Variants in RBFOX3 observed in about 807,000 individuals in gnomAD.
RBFOX3 encodes the protein RNA binding protein fox-1 homolog 3.
In RBFOX3, 17 loss-of-function variants were observed where a neutral mutation model predicts 48.7. That is an observed-to-expected ratio of 0.35 (90% CI 0.24 to 0.52). The LOEUF (loss-of-function observed/expected upper bound fraction) is 0.52. RBFOX3 is among the 20% of genes least tolerant of loss of function. The pLI is 0.94. For missense variants in RBFOX3, 382 were observed against 497.5 expected (o/e 0.77, Z 2.21); for synonymous variants, 212 against 209.5 (o/e 1.01, Z -0.10).
intron 2 of RBFOX3, among the ~76,000 whole-genome samples, chr17:79,365,980 G>A (rs946459835): frequency 6.6e-6 from 1 of 152,244 alleles, no homozygotes; most frequent in African/African-American, 2.4e-5. Flanking sequence ...CGGATGTCCT[G>A]CCACTGCACA....
At chr17:79,228,019 G>T (rs967866177) in intron 4 of RBFOX3, among the ~76,000 whole-genome samples, 1 of 152,210 alleles carries the variant, frequency 6.6e-6, no homozygotes, top group Non-Finnish European at 1.5e-5. Flanking sequence ...AAGGCCTGCA[G>T]GGTCAGAAGG....
At chr17:79,226,271 G>T (rs1174698169) in intron 4 of RBFOX3, among the ~76,000 whole-genome samples, 3 of 152,196 alleles carry the variant, frequency 2.0e-5, no homozygotes, top group African/African-American at 7.2e-5. Flanking sequence ...TCCAAGAGAA[G>T]TGGGAGTCAC....
intron 3 of RBFOX3, among the ~76,000 whole-genome samples, chr17:79,288,477 G>GCC (rs78180470): frequency 3.1e-4 from 47 of 151,306 alleles, no homozygotes; most frequent in African/African-American, 4.9e-4. Context: ...ATTCTCTGCA[G>GCC]CCCCCCCCAG....
the RBFOX3 span, among the ~76,000 whole-genome samples, chr17:79,621,269 A>G: frequency 2.0e-5 from 3 of 152,060 alleles, no homozygotes; most frequent in African/African-American, 7.2e-5. Flanking sequence ...AAAGTGCTGG[A>G]ATTACAGGTG....
At chr17:79,408,502 T>C (rs1272651363) in intron 2 of RBFOX3, among the ~76,000 whole-genome samples, 2 of 152,070 alleles carry the variant, frequency 1.3e-5, no homozygotes, top group African/African-American at 4.8e-5. Context: ...GCCAAGTCAT[T>C]CTGTGGTTTT....
intron 1 of RBFOX3, among the ~76,000 whole-genome samples, chr17:79,548,452 C>T (rs2090760596): frequency 6.6e-6 from 1 of 152,260 alleles, no homozygotes; most frequent in Admixed American, 6.5e-5. Context: ...GGCCTGGCAG[C>T]CCCGTGGCAC....
chr17:79,125,660 C>T (rs1163904905), intron 4 of RBFOX3, among the ~76,000 whole-genome samples: 1 of 152,230 alleles, frequency 6.6e-6, no homozygotes. Context: ...TTCCTGGCTC[C>T]CTCTCCTCTC....
the RBFOX3 span, among the ~76,000 whole-genome samples, chr17:79,656,770 G>GAGAGAGAGAGAGACAGA: frequency 6.1e-5 from 2 of 32,560 alleles, no homozygotes; most frequent in Non-Finnish European, 1.6e-4. Flanking sequence ...AGGAAGGAAG[G>GAGAGAGAGAGAGACAGA]AAGGAAGGAA....
chr17:79,160,517 T>G (rs549923954), intron 4 of RBFOX3, among the ~76,000 whole-genome samples: 48 of 152,174 alleles, frequency 3.2e-4, no homozygotes, highest in Non-Finnish European at 5.0e-4. Context: ...TCCCTCCTGC[T>G]GTATATCCAT....
intron 1 of RBFOX3, among the ~76,000 whole-genome samples, chr17:79,576,589 T>C (rs2092869584): frequency 6.7e-6 from 1 of 148,950 alleles, no homozygotes; most frequent in African/African-American, 2.5e-5. Context: ...GTGGAGATCA[T>C]GAAGAAGATG....
the RBFOX3 span, among the ~76,000 whole-genome samples, chr17:79,628,461 T>C: frequency 1.2e-3 from 187 of 152,092 alleles, 1 homozygote; most frequent in Non-Finnish European, 1.8e-3. Context: ...GGCCGCAGAG[T>C]CCTTGTCTGC....
At chr17:79,317,601 G>C (rs557710525) in intron 2 of RBFOX3, among the ~76,000 whole-genome samples, 27 of 152,340 alleles carry the variant, frequency 1.8e-4, no homozygotes, top group Middle Eastern at 6.8e-3. Flanking sequence ...TTTCTCCCCT[G>C]GACGTGGTCT....
rs75075580 is a variant in RBFOX3 at position 79,257,316 on chromosome 17, T to A, written c.-73-21511A>T. Among the ~76,000 whole-genome samples the A allele has an allele frequency of 1.7e-3, 259 of 152,330 alleles. 2 individuals carry two copies. Among genetic ancestry groups the A allele is most frequent in the African/African-American group, 5.9e-3 (246 of 41,568 alleles). On this transcript the variant is annotated intron_variant, in intron 3 of 14. Coordinates refer to ENST00000693108, the MANE Select transcript of RBFOX3 (RefSeq NM_001350451.2). ...CAGGGATGCATGTTGTTAGGTGAGT[T>A]TTCAGTTCATGCTTTGGCAAGTGAA...
chr17:79,626,798 C>G, the RBFOX3 span, among the ~76,000 whole-genome samples: 1 of 152,184 alleles, frequency 6.6e-6, no homozygotes, highest in South Asian at 2.1e-4. Flanking sequence ...TGGGGAGTCC[C>G]GAGAGAGAAG....
chr17:79,097,663 T>TACCCAACCCCCCCCCCC, intron 10 of RBFOX3, 29 bp downstream of exon 10: 1 of 1,384,076 alleles, frequency 7.2e-7, no homozygotes, highest in Non-Finnish European at 9.8e-7. Context: ...GCTGGTCTCA[T>TACCCAACCCCCCCCCCC]CCCATCCCCG....
chr17:79,461,848 G>A (rs2075409211), intron 2 of RBFOX3, among the ~76,000 whole-genome samples: 1 of 152,150 alleles, frequency 6.6e-6, no homozygotes, highest in East Asian at 1.9e-4. Context: ...AGGCTGGAGG[G>A]ATGCAGACAC....
In RBFOX3 at chr17:79,477,471, G is replaced by A. The variant is rs1160270053; in HGVS notation, c.-175+4983C>T. On this transcript the variant is annotated intron_variant, in intron 2 of 14. Coordinates refer to ENST00000693108, the MANE Select transcript of RBFOX3 (RefSeq NM_001350451.2). This position sits in a 1 kb window ranked among gnomAD's most constrained non-coding sequence, Gnocchi z 4.8. ...CTTGGGAGGCTGAGGCAGGAGAATG[G>A]CGTGAACCCGGGAGGCGGAGTTTGC... 2.2e-4 allele frequency among the ~76,000 whole-genome samples: 34 copies of A among 151,256 alleles called. No individual in the cohort carries two copies. The highest frequency in any genetic ancestry group is 2.2e-3 in the East Asian group (11 of 5,070).
chr17:79,504,835 C>T (rs1292551640), intron 1 of RBFOX3, among the ~76,000 whole-genome samples: 2 of 152,156 alleles, frequency 1.3e-5, no homozygotes, highest in Non-Finnish European at 2.9e-5. Flanking sequence ...TTTTGGGGGC[C>T]CTTATTCAGC....
rs1003781735 is a variant in RBFOX3, at chr17:79,249,769, G to A, written c.-73-13964C>T. 6.6e-6 allele frequency among the ~76,000 whole-genome samples: 1 copy of A among 152,036 alleles called. No homozygotes were observed. The highest frequency in any genetic ancestry group is 2.4e-5 in the African/African-American group (1 of 41,370). ...TTCCCTCTGCCTCCCGACCAAACCT[G>A]GTACCTCCCTGTGTGTCCCTGATGC... On this transcript the variant is annotated intron_variant, in intron 3 of 14. Transcript: ENST00000693108. The surrounding 1 kb of genome is among the most constrained non-coding windows in gnomAD (Gnocchi z 4.1).
Sources: gnomAD v4.1 joint callset for allele counts (sites outside exome capture counted in the v4.1 genomes callset) on GRCh38, gnomAD v4.1.1 for gene constraint, Gnocchi (gnomAD v3.1) non-coding constraint, MANE v1.5 for transcripts, NCBI Gene and HGNC (gene_info 2026-07-23, HGNC 2026-07-21) for gene names.